TTC6: variants seen among roughly 807,000 people sequenced by gnomAD.
TTC6 encodes the protein tetratricopeptide repeat domain 6.
TTC6 carries 172 observed loss-of-function variants against 210.4 expected under a neutral mutation model. The ratio of observed to expected loss-of-function variants is 0.82; its 90% CI spans 0.72 to 0.93. The LOEUF is 0.93. Among genes scored for constraint, TTC6 ranks in the 40% least tolerant of loss-of-function variants. TTC6 has a pLI of 0.00. For missense variants in TTC6, 2,414 were observed against 2,318.1 expected (o/e 1.04, Z -0.85); for synonymous variants, 804 against 819.6 (o/e 0.98, Z 0.32).
At chr14:37,766,513 T>G (rs2095999912) in intron 14 of TTC6, among the ~76,000 whole-genome samples, 1 of 152,188 alleles carries the variant, frequency 6.6e-6, no homozygotes, top group Non-Finnish European at 1.5e-5. Context: ...CCTCCAGTTT[T>G]ATTCATGCCA....
At position 37,776,175 on chromosome 14, in the gene TTC6, C is replaced by T. The variant is rs1168652552; in HGVS notation, c.3267-11293C>T. ...ACGCCATTCTCCTGCCTCAGCCTCC[C>T]GAGTAGCTGGGACTACAGGCGCCCG... On this transcript the variant is annotated intron_variant, in intron 14 of 30. Coordinates refer to ENST00000553443, the Ensembl canonical transcript of TTC6. Among the ~76,000 whole-genome samples, 10 of 22,264 alleles carry T rather than the reference C, an allele frequency of 4.5e-4. 3 individuals are homozygous for T. Among genetic ancestry groups the T allele is most frequent in the Non-Finnish European group, 7.1e-4 (6 of 8,422 alleles). 14.6% of individuals were successfully genotyped at this position (22,264 alleles called of 152,430 possible).
intron 5 of TTC6, among the ~76,000 whole-genome samples, chr14:37,710,593 C>T (rs560738086): frequency 6.6e-6 from 1 of 152,178 alleles, no homozygotes; most frequent in Admixed American, 6.6e-5. Context: ...GTGTACAAGC[C>T]TCTTCACATA....
chr14:37,620,701 C>T (rs2095649751), upstream of TTC6, among the ~76,000 whole-genome samples: 1 of 152,202 alleles, frequency 6.6e-6, no homozygotes, highest in East Asian at 1.9e-4. Context: ...AATTTGTCCT[C>T]TTTACCATTT....
At chr14:37,738,518 A>G (rs1052173788) in intron 9 of TTC6, among the ~76,000 whole-genome samples, 3 of 152,126 alleles carry the variant, frequency 2.0e-5, no homozygotes, top group East Asian at 1.9e-4. Context: ...ATCATAATAC[A>G]TATCTAATTT....
intron 7 of TTC6, among the ~76,000 whole-genome samples, chr14:37,728,083 T>A (rs1443127066): frequency 2.0e-5 from 3 of 152,168 alleles, no homozygotes; most frequent in Admixed American, 2.0e-4. Context: ...AAGTCTCAGT[T>A]TTTTTTGTTT....
In TTC6 at chr14:37,762,873, T is replaced by A. The variant is rs2095988477; in HGVS notation, c.3266+9638T>A. Among the ~76,000 whole-genome samples the A allele has an allele frequency of 1.4e-5, 2 of 147,998 alleles. 1 individual carries two copies. Among genetic ancestry groups the A allele is most frequent in the South Asian group, 4.3e-4 (2 of 4,662 alleles). On this transcript the variant is annotated intron_variant, in intron 14 of 30. Transcript: ENST00000553443. Reference sequence around the variant, plus strand: ...TATCTTTCTTTTTCTTTTTCTTTTCTTTTCTTTTCTTTTTTTTTTTTTTTT... The same window carrying A: ...TATCTTTCTTTTTCTTTTTCTTTTCATTTCTTTTCTTTTTTTTTTTTTTTT...
intron 21 of TTC6, among the ~76,000 whole-genome samples, chr14:37,805,308 T>A (rs1649311475): frequency 6.6e-6 from 1 of 152,146 alleles, no homozygotes; most frequent in Admixed American, 6.5e-5. Context: ...CAGTCTTTGG[T>A]GATTTTAGGC....
At chr14:37,665,207 A>ATTGTTTGCAGCACATGTGAATAGT (rs2095745456) in intron 1 of TTC6, among the ~76,000 whole-genome samples, 1 of 150,632 alleles carries the variant, frequency 6.6e-6, no homozygotes, top group South Asian at 2.1e-4. Context: ...GCAAATGTTC[A>ATTGTTTGCAGCACATGTGAATAGT]TTGCAGCACT....
At chr14:37,798,502 T>C (rs992563599) in intron 20 of TTC6, among the ~76,000 whole-genome samples, 2 of 152,060 alleles carry the variant, frequency 1.3e-5, no homozygotes, top group African/African-American at 4.8e-5. Flanking sequence ...TTAAAATGTT[T>C]AGTTCTGTTC....
intron 2 of TTC6, among the ~76,000 whole-genome samples, chr14:37,608,839 A>T (rs536508667): frequency 2.6e-5 from 4 of 152,142 alleles, no homozygotes; most frequent in Non-Finnish European, 5.9e-5. Flanking sequence ...GCTTTCACTC[A>T]TACTGTAGTG....
At chr14:37,788,047 G>C (rs557569958) in intron 15 of TTC6, among the ~76,000 whole-genome samples, 1 of 152,040 alleles carries the variant, frequency 6.6e-6, no homozygotes, top group East Asian at 1.9e-4. Flanking sequence ...GCAGTAAACT[G>C]TCCTGGTGGG....
intron 6 of TTC6, among the ~76,000 whole-genome samples, chr14:37,718,218 C>G (rs1595145453): frequency 6.6e-6 from 1 of 152,062 alleles, no homozygotes; most frequent in Non-Finnish European, 1.5e-5. Flanking sequence ...AATTATCCAC[C>G]AGGACTTTAG....
intron 1 of TTC6, among the ~76,000 whole-genome samples, chr14:37,631,031 T>C (rs1224783907): frequency 6.7e-6 from 1 of 148,286 alleles, no homozygotes; most frequent in African/African-American, 2.5e-5. Context: ...GTTTTCTGAA[T>C]ACAGCCTACT....
At position 37,785,194 on chromosome 14, in the gene TTC6, C is replaced by A. The variant is rs566048607; in HGVS notation, c.3267-2274C>A. On this transcript the variant is annotated intron_variant, in intron 14 of 30. Coordinates refer to ENST00000553443, the Ensembl canonical transcript of TTC6. ...GCCTTGCTAGGTTGGGGAAGTTCTC[C>A]TGGATAATATCCTGAAGAGTGTTTT... is the stretch of plus-strand genomic sequence containing the variant. Among the ~76,000 whole-genome samples, 34 of 152,280 alleles carry A rather than the reference C, an allele frequency of 2.2e-4. No homozygotes were observed. The South Asian group carries it at 3.7e-3, about 17-fold the overall frequency.
intron 29 of TTC6, among the ~76,000 whole-genome samples, chr14:37,840,393 C>A (rs2096207257): frequency 6.6e-6 from 1 of 152,142 alleles, no homozygotes; most frequent in African/African-American, 2.4e-5. Context: ...GGATTCACAG[C>A]CGAATTCTGC....
At chr14:37,682,788 T>C in exon 3 of TTC6, 1 of 1,535,574 alleles carries the variant, frequency 6.5e-7, no homozygotes, top group African/African-American at 1.4e-5. Context: ...TGAAACCATG[T>C]CAAGTATTCT....
intron 9 of TTC6, among the ~76,000 whole-genome samples, chr14:37,738,422 C>CA (rs1455307311): frequency 1.2e-5 from 1 of 85,810 alleles, no homozygotes; most frequent in Non-Finnish European, 2.9e-5. Context: ...CCCCTTCTAC[C>CA]AGTTTTTTTG....
chr14:37,668,170 C>G (rs556147424), intron 1 of TTC6, among the ~76,000 whole-genome samples: 1 of 150,044 alleles, frequency 6.7e-6, no homozygotes, highest in Admixed American at 6.6e-5. Context: ...CTCCTGACTG[C>G]AGGATATAGT....
chr14:37,663,862 G>C (rs895385892), intron 1 of TTC6, among the ~76,000 whole-genome samples: 2 of 152,044 alleles, frequency 1.3e-5, no homozygotes, highest in African/African-American at 4.8e-5. Context: ...ACCAACAACA[G>C]GCAAGCAGAG....
Sources: allele counts gnomAD v4.1 joint callset (sites outside exome capture counted in the v4.1 genomes callset), GRCh38; gene constraint gnomAD v4.1.1; transcripts MANE v1.5; gene names NCBI Gene and HGNC (gene_info 2026-07-23, HGNC 2026-07-21).